MS4A6E: variants seen among roughly 807,000 people sequenced by gnomAD.
The protein encoded by MS4A6E is membrane spanning 4-domains A6E.
In MS4A6E, 8 loss-of-function variants were observed where a neutral mutation model predicts 13.2. The ratio of observed to expected loss-of-function variants is 0.60; its 90% CI spans 0.35 to 1.09. The LOEUF is 1.09. Ranked by LOEUF, MS4A6E falls within the 50% of genes least tolerant of loss-of-function variation. MS4A6E has a pLI of 0.02. For synonymous variants in MS4A6E, 72 were observed against 67.6 expected, an observed-to-expected ratio of 1.06 and a Z score of -0.32; for missense variants, 177 against 171.1, an observed-to-expected ratio of 1.03 and a Z score of -0.19.
chr11:60,341,753 C>A (rs75405345), downstream of MS4A6E, among the ~76,000 whole-genome samples: 1,966 of 152,288 alleles, frequency 0.013, 43 homozygotes, highest in African/African-American at 0.046. Flanking sequence ...GAGAGTTTCT[C>A]TGCTCTTTTT....
intron 2 of MS4A6E, 56 bp from the exon 3 acceptor site, chr11:60,337,685 A>T: frequency 6.3e-7 from 1 of 1,599,414 alleles, no homozygotes; most frequent in Non-Finnish European, 8.6e-7. Flanking sequence ...GCAAAAAGGG[A>T]TAAGAGAGAT....
rs763522336 is a variant in MS4A6E, at chr11:60,337,824, A to G, written c.231A>G (p.Ala77=). 1 of 1,614,076 alleles carries G rather than the reference A, an allele frequency of 6.2e-7. No homozygotes were observed. The highest frequency in any genetic ancestry group is 8.5e-7 in the Non-Finnish European group (1 of 1,180,060). Residue 77 remains alanine, a synonymous_variant, in exon 3 of 5, where the codon GCA becomes GCG. Transcript: ENST00000684409. ...GFILLSVNPA[A]LNPASLQCKL... is the part of the protein sequence containing the mutation. ...TTCTCCTGTCTGTCAACCCGGCTGC[A>G]TTAAATCCTGCCTCATTGCAGTGTA...
downstream of MS4A6E, among the ~76,000 whole-genome samples, chr11:60,341,597 G>GCACA (rs61458299): frequency 6.6e-6 from 1 of 150,380 alleles, no homozygotes; most frequent in East Asian, 2.0e-4. Context: ...GCACACACAC[G>GCACA]CACACACACA....
chr11:60,327,538 G>C lies in MS4A6E; in HGVS notation c.-15+130G>C, dbSNP rs535433220. Among the ~76,000 whole-genome samples, 50 of 152,312 alleles carry C rather than the reference G, an allele frequency of 3.3e-4. No homozygotes were observed. The South Asian group carries it at 9.8e-3, about 30-fold the overall frequency. ...GCTGTATCGAACACCTAAAAATGTG[G>C]AAGTGGCATTGGAACTGGGTAATGG... On this transcript the variant is annotated intron_variant, in intron 1 of 4. Coordinates refer to ENST00000684409, the MANE Select transcript of MS4A6E (RefSeq NM_139249.4).
chr11:60,347,603 C>T (rs1191184675), intron 4 of MS4A6E, among the ~76,000 whole-genome samples: 6 of 150,926 alleles, frequency 4.0e-5, no homozygotes, highest in African/African-American at 1.2e-4. Context: ...AAAGGCCTAT[C>T]TTTAGTCTCA....
At chr11:60,328,450 T>C (rs1418277351) in intron 1 of MS4A6E, among the ~76,000 whole-genome samples, 1 of 151,956 alleles carries the variant, frequency 6.6e-6, no homozygotes, top group Admixed American at 6.6e-5. Context: ...ATTTGGAAGA[T>C]CTTTGGGGCT....
At chr11:60,344,671 G>A (rs372538243), downstream of MS4A6E, among the ~76,000 whole-genome samples, 17 of 152,292 alleles carry the variant, frequency 1.1e-4, no homozygotes, top group South Asian at 3.5e-3. Context: ...TTTCTGCAGG[G>A]AAGTACTGAG....
chr11:60,346,920 C>A (rs996635650), intron 4 of MS4A6E, among the ~76,000 whole-genome samples: 1 of 152,224 alleles, frequency 6.6e-6, no homozygotes, highest in African/African-American at 2.4e-5. Flanking sequence ...CGAGGTCAAA[C>A]ACCTGAGTTA....
intron 1 of MS4A6E, among the ~76,000 whole-genome samples, chr11:60,334,122 T>C (rs2085173888): frequency 1.3e-5 from 2 of 152,216 alleles, no homozygotes; most frequent in Non-Finnish European, 2.9e-5. Context: ...CTGTCTTACA[T>C]GACTCAGAGT....
At chr11:60,337,655 G>A (rs544751833) in intron 2 of MS4A6E, 86 bp from the exon 3 acceptor site, 115 of 1,509,790 alleles carry the variant, frequency 7.6e-5, no homozygotes, top group Non-Finnish European at 1.0e-4. Flanking sequence ...ACAGATAAGG[G>A]AATAACTTGC....
downstream of MS4A6E, among the ~76,000 whole-genome samples, chr11:60,342,195 GAGAGA>G (rs780434710): frequency 7.1e-3 from 665 of 93,884 alleles, 11 homozygotes; most frequent in Middle Eastern, 0.022. Flanking sequence ...GAGAGAGAGA[GAGAGA>G]GGGGGGGGGA....
At chr11:60,334,768 C>CA in intron 1 of MS4A6E, 114 bp from the exon 2 acceptor site, 1 of 1,155,810 alleles carries the variant, frequency 8.7e-7, no homozygotes, top group Non-Finnish European at 1.2e-6. Flanking sequence ...CAGTTTCTTT[C>CA]TCTAACACAC....
chr11:60,327,463 A>G (rs1457153454), intron 1 of MS4A6E, among the ~76,000 whole-genome samples, 55 bp downstream of exon 1: 1 of 152,238 alleles, frequency 6.6e-6, no homozygotes, highest in Non-Finnish European at 1.5e-5. Flanking sequence ...ATTCTGTTAT[A>G]GCAGCACAAA....
At chr11:60,332,333 C>T (rs1259058379) in intron 1 of MS4A6E, among the ~76,000 whole-genome samples, 1 of 152,186 alleles carries the variant, frequency 6.6e-6, no homozygotes, top group Non-Finnish European at 1.5e-5. Context: ...TTCCTGGGAA[C>T]ACATAATTGT....
intron 1 of MS4A6E, among the ~76,000 whole-genome samples, chr11:60,332,707 T>C (rs1424485372): frequency 6.6e-6 from 1 of 152,228 alleles, no homozygotes; most frequent in African/African-American, 2.4e-5. Context: ...ATAAAACTGC[T>C]CTTTATTAGT....
chr11:60,332,087 A>G (rs1361286158), intron 1 of MS4A6E, among the ~76,000 whole-genome samples: 2 of 152,190 alleles, frequency 1.3e-5, no homozygotes, highest in Admixed American at 1.3e-4. Flanking sequence ...TTCACATGCT[A>G]TTTTCATTTT....
intron 1 of MS4A6E, among the ~76,000 whole-genome samples, chr11:60,331,434 TTTTG>T (rs138840862): frequency 0.02 from 2,973 of 152,244 alleles, 85 homozygotes; most frequent in African/African-American, 0.067. Context: ...TCTCACCATT[TTTTG>T]TTTGTTTGAT....
In MS4A6E at chr11:60,337,939, A is replaced by G. The variant is rs369045840; in HGVS notation, c.346A>G (p.Ser116Gly). Residue 116 changes from serine (S) to glycine (G), a missense_variant, in exon 3 of 5, where the codon AGT (serine) becomes GGT (glycine). Coordinates refer to ENST00000684409, the MANE Select transcript of MS4A6E (RefSeq NM_139249.4). ...YTMDCHRAKA[S>G]LAGTLSLMLV... ...CATGGACTGCCATAGAGCCAAAGCCAGTCTGGCTGTAAGTATTTTTTAGAT... is the reference window on the plus strand; with the variant it reads ...CATGGACTGCCATAGAGCCAAAGCCGGTCTGGCTGTAAGTATTTTTTAGAT... The G allele has an allele frequency of 1.2e-6, 2 of 1,613,756 alleles. No homozygotes were observed. Among genetic ancestry groups the G allele is most frequent in the African/African-American group, 2.7e-5 (2 of 74,952 alleles).
chr11:60,339,027 T>C (rs879390699), intron 3 of MS4A6E, among the ~76,000 whole-genome samples: 7 of 152,216 alleles, frequency 4.6e-5, no homozygotes, highest in Non-Finnish European at 7.3e-5. Context: ...GAGATTCTGT[T>C]GAGCTTGCTT....
Sources: allele counts gnomAD v4.1 joint callset (sites outside exome capture counted in the v4.1 genomes callset), GRCh38; gene constraint gnomAD v4.1.1; transcripts MANE v1.5; gene names NCBI Gene and HGNC (gene_info 2026-07-23, HGNC 2026-07-21).